Variants in ITGBL1 observed in about 807,000 individuals in gnomAD.
ITGBL1 encodes the protein integrin beta-like protein 1.
In ITGBL1, 51 loss-of-function variants were observed where a neutral mutation model predicts 68.5. That is an observed-to-expected ratio of 0.74 (90% confidence interval 0.59 to 0.94). The LOEUF (loss-of-function observed/expected upper bound fraction) is 0.94. Among genes scored for constraint, ITGBL1 ranks in the 40% least tolerant of loss-of-function variants. ITGBL1 has a pLI of 0.00. For missense variants in ITGBL1, 649 were observed against 647.4 expected (o/e 1.00, Z -0.03); for synonymous variants, 209 against 227.3 (o/e 0.92, Z 0.72).
At chr13:101,678,711 G>A (rs1172108022) in intron 7 of ITGBL1, among the ~76,000 whole-genome samples, 2 of 151,984 alleles carry the variant, frequency 1.3e-5, no homozygotes, top group Non-Finnish European at 2.9e-5. Context: ...ATGTTGGCCA[G>A]GCTAGTCTTG....
chr13:101,646,973 T>A (rs1488972821), intron 7 of ITGBL1, among the ~76,000 whole-genome samples: 1 of 152,132 alleles, frequency 6.6e-6, no homozygotes, highest in Non-Finnish European at 1.5e-5. Flanking sequence ...AGAAATTAAA[T>A]GGGCCAAAAA....
At chr13:101,692,465 A>T (rs552612042) in intron 7 of ITGBL1, 120 bp from the exon 8 acceptor site, 27 of 696,266 alleles carry the variant, frequency 3.9e-5, no homozygotes, top group Admixed American at 1.5e-4. Context: ...TGTAACTATT[A>T]TCAGGCACAG....
chr13:101,532,980 A>G (rs1594871118), intron 2 of ITGBL1, among the ~76,000 whole-genome samples: 1 of 152,346 alleles, frequency 6.6e-6, no homozygotes, highest in East Asian at 1.9e-4. Flanking sequence ...TGCATATTAA[A>G]ATCAACATTG....
At chr13:101,509,145 G>A (rs1175083844) in intron 2 of ITGBL1, among the ~76,000 whole-genome samples, 1 of 152,140 alleles carries the variant, frequency 6.6e-6, no homozygotes, top group Admixed American at 6.6e-5. Context: ...AATCATGGTG[G>A]AAGGCAAGGA....
chr13:101,618,121 C>T (rs958882888), intron 7 of ITGBL1, among the ~76,000 whole-genome samples: 1 of 152,140 alleles, frequency 6.6e-6, no homozygotes, highest in Non-Finnish European at 1.5e-5. Context: ...CTGGTTGAAT[C>T]CACGGACTTT....
chr13:101,479,100 T>C (rs1208149841), intron 2 of ITGBL1, among the ~76,000 whole-genome samples: 1 of 151,956 alleles, frequency 6.6e-6, no homozygotes, highest in Non-Finnish European at 1.5e-5. Flanking sequence ...AGTACTAGCA[T>C]AAAAACAGAC....
chr13:101,584,962 G>A (rs1489595295), intron 6 of ITGBL1, among the ~76,000 whole-genome samples: 1 of 151,736 alleles, frequency 6.6e-6, no homozygotes, highest in Non-Finnish European at 1.5e-5. Flanking sequence ...AAGATGAGAG[G>A]GGCATTCCAA....
At position 101,652,954 on chromosome 13, in the gene ITGBL1, A is replaced by G. The variant is rs879842463; in HGVS notation, c.1016-39631A>G. Among the ~76,000 whole-genome samples the G allele has an allele frequency of 2.7e-4, 41 of 152,026 alleles. 1 individual carries two copies. Among genetic ancestry groups the G allele is most frequent in the Admixed American group, 1.9e-3 (29 of 15,264 alleles). ...CTCTACTAAAAATACAAAATTAGCC[A>G]GGCATGGTGGTACATGCCTGTAATC... On this transcript the variant is annotated intron_variant, in intron 7 of 10. Transcript: ENST00000376180.
At chr13:101,530,431 G>C (rs924270994) in intron 2 of ITGBL1, among the ~76,000 whole-genome samples, 5 of 152,088 alleles carry the variant, frequency 3.3e-5, no homozygotes, top group Non-Finnish European at 5.9e-5. Context: ...TGGGTGCCAT[G>C]TATCAGGGTG....
At chr13:101,675,892 C>A (rs73558026) in intron 7 of ITGBL1, among the ~76,000 whole-genome samples, 2,563 of 152,190 alleles carry the variant, frequency 0.017, 81 homozygotes, top group African/African-American at 0.057. Context: ...TTTCTACTAT[C>A]CTATCTTCCA....
intron 7 of ITGBL1, among the ~76,000 whole-genome samples, chr13:101,661,991 A>G (rs1017508786): frequency 1.7e-4 from 26 of 152,184 alleles, no homozygotes; most frequent in Non-Finnish European, 1.2e-4. Flanking sequence ...ATTCAAGACA[A>G]AAGTAATCAG....
At chr13:101,694,452 C>T (rs1368945054) in intron 8 of ITGBL1, among the ~76,000 whole-genome samples, 1 of 151,820 alleles carries the variant, frequency 6.6e-6, no homozygotes, top group Admixed American at 6.6e-5. Context: ...GAGACAGAGT[C>T]TCACTCTGTC....
intron 7 of ITGBL1, among the ~76,000 whole-genome samples, chr13:101,607,302 AT>A (rs1189095713): frequency 1.3e-5 from 2 of 152,112 alleles, no homozygotes; most frequent in African/African-American, 4.8e-5. Context: ...TTTAAAAAAA[AT>A]TAATACATGT....
At chr13:101,688,609 A>T (rs1251562460) in intron 7 of ITGBL1, among the ~76,000 whole-genome samples, 2 of 152,218 alleles carry the variant, frequency 1.3e-5, no homozygotes, top group South Asian at 2.1e-4. Context: ...AAGGAATTAC[A>T]CAATCATATG....
rs1253492663 is a variant in ITGBL1, at chr13:101,456,103, ATTCC to A, written c.316+2011_316+2014del. Among the ~76,000 whole-genome samples the A allele has an allele frequency of 4.6e-5, 7 of 152,312 alleles. No homozygotes were observed. The East Asian group carries it at 1.4e-3, about 29-fold the overall frequency. On this transcript the variant is annotated intron_variant, in intron 2 of 10. Coordinates refer to ENST00000376180, the MANE Select transcript of ITGBL1 (RefSeq NM_004791.3). ...TTACTCATAGCATCTTAGTCACTGC[ATTCC>A]TTCCTTCTTGATACGAAATGCAGGA...
chr13:101,601,733 T>C (rs2030395547), intron 7 of ITGBL1, among the ~76,000 whole-genome samples: 1 of 152,186 alleles, frequency 6.6e-6, no homozygotes, highest in Admixed American at 6.5e-5. Context: ...TGTTTCCATG[T>C]AGTTGAGTGG....
At chr13:101,706,709 T>C (rs771102357) in intron 8 of ITGBL1, 47 bp from the exon 9 acceptor site, 2 of 1,577,652 alleles carry the variant, frequency 1.3e-6, no homozygotes, top group Non-Finnish European at 1.7e-6. Flanking sequence ...CTGCTTCAGC[T>C]GGTTATTTCC....
chr13:101,594,604 G>A (rs1032200100), intron 6 of ITGBL1, among the ~76,000 whole-genome samples: 2 of 151,982 alleles, frequency 1.3e-5, no homozygotes, highest in Admixed American at 6.6e-5. Context: ...GAACTAAAAC[G>A]TTTCTACAGC....
chr13:101,533,630 C>G lies in ITGBL1; in HGVS notation c.317-34069C>G, dbSNP rs76710212. Among the ~76,000 whole-genome samples, 9 of 152,266 alleles carry G rather than the reference C, an allele frequency of 5.9e-5. No homozygotes were observed. In the East Asian group the frequency reaches 1.7e-3, roughly 29 times the overall value. On this transcript the variant is annotated intron_variant, in intron 2 of 10. Coordinates refer to ENST00000376180, the MANE Select transcript of ITGBL1 (RefSeq NM_004791.3). ...TAGAAGTTAAGTGTAAATCCAAACACTAAGTTTTGTTCATATTATTCACAT... is the reference window on the plus strand; with the variant it reads ...TAGAAGTTAAGTGTAAATCCAAACAGTAAGTTTTGTTCATATTATTCACAT...
Sources: allele counts gnomAD v4.1 joint callset (sites outside exome capture counted in the v4.1 genomes callset), GRCh38; gene constraint gnomAD v4.1.1; transcripts MANE v1.5; gene names NCBI Gene and HGNC (gene_info 2026-07-23, HGNC 2026-07-21).